FRMD3: variants seen among roughly 807,000 people sequenced by gnomAD.
The protein encoded by FRMD3 is FERM domain-containing protein 3.
A neutral mutation model predicts 70.2 loss-of-function variants in FRMD3; 33 were observed. That is an observed-to-expected ratio of 0.47 (90% CI 0.36 to 0.63). FRMD3 has a LOEUF of 0.63. Among genes scored for constraint, FRMD3 ranks in the 20% least tolerant of loss-of-function variants. The pLI is 0.00. For missense variants in FRMD3, 632 were observed against 711.4 expected (o/e 0.89, Z 1.27); for synonymous variants, 279 against 255.9 (o/e 1.09, Z -0.86).
At chr9:83,513,612 A>G (rs149027628) in intron 1 of FRMD3, among the ~76,000 whole-genome samples, 60 of 152,338 alleles carry the variant, frequency 3.9e-4, no homozygotes, top group African/African-American at 1.4e-3. Context: ...CATTAACCAA[A>G]GTCATATAAT....
intron 1 of FRMD3, among the ~76,000 whole-genome samples, chr9:83,434,634 C>CT (rs1827078621): frequency 6.6e-6 from 1 of 152,104 alleles, no homozygotes; most frequent in Non-Finnish European, 1.5e-5. Context: ...GAGACACAGC[C>CT]CATGCTTATC....
At chr9:83,255,215 G>T (rs1022187943) in intron 13 of FRMD3, among the ~76,000 whole-genome samples, 1 of 152,166 alleles carries the variant, frequency 6.6e-6, no homozygotes, top group African/African-American at 2.4e-5. Flanking sequence ...AGGATGCAAG[G>T]TTGGTTCAAC....
intron 6 of FRMD3, among the ~76,000 whole-genome samples, chr9:83,317,168 A>G (rs1016613100): frequency 1.1e-4 from 16 of 150,216 alleles, no homozygotes; most frequent in African/African-American, 3.7e-4. Context: ...TTGAATTCAC[A>G]TATTATTGAG....
At chr9:83,536,195 A>G (rs1048684098) in intron 1 of FRMD3, among the ~76,000 whole-genome samples, 1 of 152,234 alleles carries the variant, frequency 6.6e-6, no homozygotes, top group Non-Finnish European at 1.5e-5. Flanking sequence ...GAAACATAAC[A>G]TTTTAACCTC....
At chr9:83,512,345 G>C (rs1054103896) in intron 1 of FRMD3, among the ~76,000 whole-genome samples, 1 of 152,134 alleles carries the variant, frequency 6.6e-6, no homozygotes, top group African/African-American at 2.4e-5. Flanking sequence ...CAGTCTATGG[G>C]GAAGACAGAA....
chr9:83,340,041 A>T (rs1823704334), intron 5 of FRMD3, among the ~76,000 whole-genome samples: 2 of 152,196 alleles, frequency 1.3e-5, no homozygotes, highest in South Asian at 4.1e-4. Context: ...TTCTGAGTTT[A>T]TTAAAAACAG....
At chr9:83,309,658 G>A (rs764032975) in intron 9 of FRMD3, 34 bp from the exon 10 acceptor site, 33 of 1,330,064 alleles carry the variant, frequency 2.5e-5, no homozygotes, top group Admixed American at 6.4e-5. Flanking sequence ...GAAAAGGCAC[G>A]TAAAATACCA....
At chr9:83,449,648 A>G (rs1827583903) in intron 1 of FRMD3, among the ~76,000 whole-genome samples, 1 of 152,208 alleles carries the variant, frequency 6.6e-6, no homozygotes, top group Non-Finnish European at 1.5e-5. Flanking sequence ...TGTCTGTGGC[A>G]TTGCACAGTT....
chr9:83,553,524 C>T, the FRMD3 span, among the ~76,000 whole-genome samples: 1 of 152,210 alleles, frequency 6.6e-6, no homozygotes, highest in African/African-American at 2.4e-5. Context: ...GGCCTCTTTA[C>T]ATAATCCCAT....
chr9:83,472,742 G>T (rs1828299274), intron 1 of FRMD3, among the ~76,000 whole-genome samples: 1 of 152,160 alleles, frequency 6.6e-6, no homozygotes, highest in African/African-American at 2.4e-5. Flanking sequence ...GTGAAAACCT[G>T]TGCCATGAGA....
chr9:83,419,447 A>AGTGT (rs1202368184), intron 1 of FRMD3, among the ~76,000 whole-genome samples: 12 of 142,648 alleles, frequency 8.4e-5, no homozygotes, highest in Admixed American at 4.9e-4. Context: ...CTGCTGTGAG[A>AGTGT]GAGTGTGTGT....
At chr9:83,401,104 T>C (rs987852803) in intron 1 of FRMD3, among the ~76,000 whole-genome samples, 2 of 152,214 alleles carry the variant, frequency 1.3e-5, no homozygotes, top group African/African-American at 4.8e-5. Flanking sequence ...CTATGTACTA[T>C]ATTTAGATTA....
At chr9:83,571,377 C>T in the FRMD3 span, among the ~76,000 whole-genome samples, 1 of 152,190 alleles carries the variant, frequency 6.6e-6, no homozygotes, top group Non-Finnish European at 1.5e-5. Context: ...ATTACGGAGT[C>T]TCTGGTATTC....
intron 3 of FRMD3, among the ~76,000 whole-genome samples, chr9:83,357,612 G>A (rs1402374721): frequency 1.3e-5 from 2 of 151,576 alleles, no homozygotes; most frequent in African/African-American, 4.8e-5. Flanking sequence ...TTTTAATTAT[G>A]GCCATTCTTG....
At position 83,353,709 on chromosome 9, in the gene FRMD3, T is replaced by A. The variant is rs114288810; in HGVS notation, c.296-3952A>T. 5.9e-3 allele frequency among the ~76,000 whole-genome samples: 892 copies of A among 152,318 alleles called. 10 individuals carry two copies. The highest frequency in any genetic ancestry group is 0.02 in the African/African-American group (831 of 41,560). ...GGATCACTACAGCAATTCCTGAGAT[T>A]TACATTTTGAAAGCCTCTTTTCTCA... On this transcript the variant is annotated intron_variant, in intron 3 of 13. Coordinates refer to ENST00000304195, the MANE Select transcript of FRMD3 (RefSeq NM_174938.6).
intron 13 of FRMD3, among the ~76,000 whole-genome samples, chr9:83,273,704 C>G (rs535002937): frequency 6.7e-6 from 1 of 150,122 alleles, no homozygotes; most frequent in Admixed American, 6.6e-5. Context: ...AAGAAATTGA[C>G]TAAGATTTAT....
intron 1 of FRMD3, among the ~76,000 whole-genome samples, chr9:83,508,452 T>C (rs1347648108): frequency 6.6e-6 from 1 of 152,238 alleles, no homozygotes; most frequent in African/African-American, 2.4e-5. Flanking sequence ...AAGTAGTTTA[T>C]AGATTATTCT....
chr9:83,427,937 A>G (rs1289046555), intron 1 of FRMD3, among the ~76,000 whole-genome samples: 1 of 152,224 alleles, frequency 6.6e-6, no homozygotes, highest in Non-Finnish European at 1.5e-5. Flanking sequence ...AGCGTCCTAC[A>G]CTGCTAACAG....
intron 6 of FRMD3, among the ~76,000 whole-genome samples, chr9:83,326,401 T>C (rs886842598): frequency 1.3e-5 from 2 of 152,174 alleles, no homozygotes; most frequent in Non-Finnish European, 2.9e-5. Context: ...GTAAGCATCA[T>C]TTGCTTTGGG....
Sources: gnomAD v4.1 joint callset for allele counts (sites outside exome capture counted in the v4.1 genomes callset) on GRCh38, gnomAD v4.1.1 for gene constraint, MANE v1.5 for transcripts, NCBI Gene and HGNC (gene_info 2026-07-23, HGNC 2026-07-21) for gene names.